LTBP1: variants seen among roughly 807,000 people sequenced by gnomAD.
The protein encoded by LTBP1 is latent-transforming growth factor beta-binding protein 1.
LTBP1 carries 129 observed loss-of-function variants against 207.6 expected under a neutral mutation model. That is an observed-to-expected ratio of 0.62 (90% CI 0.54 to 0.72). LTBP1 has a LOEUF of 0.72. LTBP1 is among the 30% of genes least tolerant of loss of function. LTBP1 has a pLI of 0.00. For synonymous variants in LTBP1, 963 were observed against 833.7 expected, an observed-to-expected ratio of 1.16 and a Z score of -2.67; for missense variants, 2,281 against 2,217.2, an observed-to-expected ratio of 1.03 and a Z score of -0.58.
intron 19 of LTBP1, among the ~76,000 whole-genome samples, chr2:33,288,106 G>GTGA (rs2093700408): frequency 1.3e-5 from 2 of 152,310 alleles, no homozygotes; most frequent in Admixed American, 1.3e-4. Flanking sequence ...GCCTGTATTG[G>GTGA]TGATTAAGGA....
At chr2:33,371,035 A>G (rs548646147) in intron 31 of LTBP1, among the ~76,000 whole-genome samples, 1 of 152,284 alleles carries the variant, frequency 6.6e-6, no homozygotes, top group African/African-American at 2.4e-5. Context: ...GTGTTCTCTG[A>G]AGTTAGATGG....
At chr2:32,962,648 G>A (rs550084261) in intron 2 of LTBP1, among the ~76,000 whole-genome samples, 4 of 152,338 alleles carry the variant, frequency 2.6e-5, no homozygotes, top group African/African-American at 9.6e-5. Flanking sequence ...TACAACAAAT[G>A]TCCCTGTGTA....
chr2:33,180,887 C>A (rs754237386), intron 5 of LTBP1, among the ~76,000 whole-genome samples: 5 of 152,156 alleles, frequency 3.3e-5, no homozygotes, highest in Admixed American at 1.3e-4. Context: ...AATATTGCTA[C>A]CCATCACCAA....
chr2:33,129,652 T>C (rs187451500), intron 4 of LTBP1, among the ~76,000 whole-genome samples: 46 of 152,380 alleles, frequency 3.0e-4, no homozygotes, highest in Admixed American at 5.2e-4. Context: ...GGTTTTACTT[T>C]TAAAAAATAT....
At chr2:33,103,607 G>GTGTGTGTA (rs1277300744) in intron 3 of LTBP1, among the ~76,000 whole-genome samples, 1 of 142,162 alleles carries the variant, frequency 7.0e-6, no homozygotes, top group Admixed American at 7.0e-5. Context: ...GTGTGTGTGT[G>GTGTGTGTA]TGTGTGTGTG....
intron 26 of LTBP1, among the ~76,000 whole-genome samples, chr2:33,348,063 G>T (rs1015114076): frequency 1.3e-5 from 2 of 152,190 alleles, no homozygotes; most frequent in Non-Finnish European, 2.9e-5. Flanking sequence ...CTGAAATAGA[G>T]AGTTGGACTG....
chr2:33,288,074 C>A (rs1421471637), intron 19 of LTBP1, among the ~76,000 whole-genome samples: 1 of 152,162 alleles, frequency 6.6e-6, no homozygotes, highest in African/African-American at 2.4e-5. Context: ...ATCCCTATCT[C>A]AAGTGGTACT....
At chr2:33,288,747 C>G (rs1372236193) in intron 19 of LTBP1, among the ~76,000 whole-genome samples, 1 of 150,798 alleles carries the variant, frequency 6.6e-6, no homozygotes, top group Non-Finnish European at 1.5e-5. Flanking sequence ...CCCAGCTACT[C>G]AGGAGGCTGA....
intron 19 of LTBP1, among the ~76,000 whole-genome samples, chr2:33,281,208 A>G (rs537526643): frequency 7.2e-5 from 11 of 152,292 alleles, no homozygotes; most frequent in South Asian, 4.1e-4. Context: ...CATGCACTCA[A>G]ACATCTCACA....
chr2:32,953,227 A>G (rs2148279202), intron 2 of LTBP1, among the ~76,000 whole-genome samples: 1 of 152,368 alleles, frequency 6.6e-6, no homozygotes, highest in East Asian at 1.9e-4. Flanking sequence ...GGTGGATGGC[A>G]TCATCCAGGA....
rs76613659 is a variant in LTBP1, at chr2:33,396,710, C to G, written c.4835-423C>G. Among the ~76,000 whole-genome samples, 366 of 152,318 alleles carry G rather than the reference C, an allele frequency of 2.4e-3. 3 individuals are homozygous for G. Among genetic ancestry groups the G allele is most frequent in the African/African-American group, 8.5e-3 (352 of 41,576 alleles). ...AACGCCGGCTGAAAACGTATTGCCT[C>G]ACACTCTTACGGACCTTCTTAGCAA... On this transcript the variant is annotated intron_variant, in intron 32 of 33. Coordinates refer to ENST00000404816, the MANE Select transcript of LTBP1 (RefSeq NM_206943.4).
chr2:33,202,061 A>ACAC (rs1558805780), intron 7 of LTBP1, among the ~76,000 whole-genome samples: 7 of 146,596 alleles, frequency 4.8e-5, no homozygotes, highest in African/African-American at 1.8e-4. Flanking sequence ...ACACACACAC[A>ACAC]GAGCATTCTA....
At position 33,186,980 on chromosome 2, in the gene LTBP1, T is replaced by G; in HGVS notation, c.1326T>G (p.Leu442=). 6.2e-7 allele frequency: 1 copy of G among 1,614,198 alleles called. No homozygotes were observed. The highest frequency in any genetic ancestry group is 8.5e-7 in the Non-Finnish European group (1 of 1,180,026). Residue 442 remains leucine (L), a synonymous_variant, in exon 6 of 34, where the codon CTT becomes CTG. Coordinates refer to ENST00000404816, the MANE Select transcript of LTBP1 (RefSeq NM_206943.4). Reference sequence around the variant, plus strand: ...TCCATGGTGCCAGCGTGCCTAAACTTTATCAGCATTCCCAGCAGCCAGGCA... The same window carrying G: ...TCCATGGTGCCAGCGTGCCTAAACTGTATCAGCATTCCCAGCAGCCAGGCA... The part of the protein sequence containing the change: ...IPVHGASVPK[L]YQHSQQPGKA...
At chr2:33,210,401 C>CT (rs1201261910) in intron 7 of LTBP1, among the ~76,000 whole-genome samples, 1 of 152,074 alleles carries the variant, frequency 6.6e-6, no homozygotes, top group Non-Finnish European at 1.5e-5. Context: ...CCTGGTAATT[C>CT]TTTTTTACAT....
chr2:33,034,173 A>G (rs1253461733), intron 3 of LTBP1, among the ~76,000 whole-genome samples: 1 of 151,814 alleles, frequency 6.6e-6, no homozygotes, highest in Non-Finnish European at 1.5e-5. Context: ...GATGGCATGG[A>G]TACGCAAATC....
In LTBP1 at chr2:33,308,964, A is replaced by G. The variant is rs374392205; in HGVS notation, c.3482-470A>G. Reference sequence around the variant, plus strand: ...ACAGAATTTTGACTTTTCCTCTTCCATTTAATTTCATTTGATGTTTAAAAG... The same window carrying G: ...ACAGAATTTTGACTTTTCCTCTTCCGTTTAATTTCATTTGATGTTTAAAAG... On this transcript the variant is annotated intron_variant, in intron 22 of 33. Coordinates refer to ENST00000404816, the MANE Select transcript of LTBP1 (RefSeq NM_206943.4). Among the ~76,000 whole-genome samples the G allele has an allele frequency of 3.2e-4, 48 of 152,204 alleles. No homozygotes were observed. The South Asian group carries it at 8.7e-3, about 28-fold the overall frequency.
intron 2 of LTBP1, among the ~76,000 whole-genome samples, chr2:32,955,575 A>G (rs1363796755): frequency 1.3e-5 from 2 of 152,144 alleles, no homozygotes; most frequent in Non-Finnish European, 2.9e-5. Flanking sequence ...CAGTGATTAC[A>G]TAGAGTGCCT....
At chr2:33,242,572 A>AT (rs11388878) in intron 9 of LTBP1, among the ~76,000 whole-genome samples, 52,866 of 148,438 alleles carry the variant, frequency 0.36, 10,093 homozygotes, top group Admixed American at 0.42. Context: ...ACCAGCTGTG[A>AT]TTTTTTTTTC....
chr2:33,315,083 A>G (rs545669613), intron 23 of LTBP1, 61 bp from the exon 24 acceptor site: 2 of 1,325,292 alleles, frequency 1.5e-6, no homozygotes, highest in East Asian at 4.7e-5. Flanking sequence ...CATCTGTTTG[A>G]TAGTATATGG....
Sources: allele counts gnomAD v4.1 joint callset (sites outside exome capture counted in the v4.1 genomes callset), GRCh38; gene constraint gnomAD v4.1.1; transcripts MANE v1.5; gene names NCBI Gene and HGNC (gene_info 2026-07-23, HGNC 2026-07-21).